The following DSCAM variants were observed in gnomAD, a reference collection of about 807,000 sequenced individuals.
DSCAM encodes DS cell adhesion molecule.
In DSCAM, 47 loss-of-function variants were observed where a neutral mutation model predicts 217.7. The ratio of observed to expected loss-of-function variants is 0.22; its 90% CI spans 0.17 to 0.28. The LOEUF (loss-of-function observed/expected upper bound fraction) is 0.28. Ranked by LOEUF, DSCAM falls within the 10% of genes least tolerant of loss-of-function variation. The pLI, the probability that DSCAM is intolerant of heterozygous loss-of-function variation, is 1.00. For synonymous variants in DSCAM, 1,056 were observed against 1,015.3 expected (o/e 1.04, Z -0.76); for missense variants, 2,080 against 2,618.3 (o/e 0.79, Z 4.49).
chr21:40,706,112 G>A (rs1168265519), intron 2 of DSCAM, among the ~76,000 whole-genome samples: 1 of 151,342 alleles, frequency 6.6e-6, no homozygotes, highest in East Asian at 1.9e-4. Context: ...CCCGGGAGGT[G>A]GAGCTTGCAG....
intron 3 of DSCAM, among the ~76,000 whole-genome samples, 169 bp downstream of exon 3, chr21:40,692,641 A>G (rs535493582): frequency 3.3e-5 from 5 of 152,358 alleles, no homozygotes; most frequent in Non-Finnish European, 7.3e-5. Context: ...AAGCCATTAT[A>G]AGCCAATACA....
intron 3 of DSCAM, among the ~76,000 whole-genome samples, chr21:40,530,831 C>T (rs1348498221): frequency 6.6e-6 from 1 of 152,040 alleles, no homozygotes; most frequent in Non-Finnish European, 1.5e-5. Flanking sequence ...TCCGTGGTGT[C>T]CATCAAAGCT....
chr21:40,739,247 T>TA (rs35964132), intron 1 of DSCAM, among the ~76,000 whole-genome samples: 122,250 of 152,028 alleles, frequency 0.8, 49,525 homozygotes, highest in African/African-American at 0.9. Context: ...GCAGCAATGC[T>TA]GGGGGGAGGT....
At chr21:40,276,740 A>T (rs1181285800) in intron 10 of DSCAM, among the ~76,000 whole-genome samples, 2 of 152,150 alleles carry the variant, frequency 1.3e-5, no homozygotes, top group Admixed American at 6.5e-5. Context: ...GAATAGGAAT[A>T]TTGCAGGTTT....
intron 11 of DSCAM, among the ~76,000 whole-genome samples, chr21:40,203,345 T>G (rs550491020): frequency 6.6e-6 from 1 of 152,372 alleles, no homozygotes; most frequent in Admixed American, 6.5e-5. Context: ...AGAGTTATTA[T>G]ACAGCCCTGA....
chr21:40,639,216 G>C (rs759655975), intron 3 of DSCAM, among the ~76,000 whole-genome samples: 1 of 152,004 alleles, frequency 6.6e-6, no homozygotes, highest in Non-Finnish European at 1.5e-5. Context: ...GCCAAAACAC[G>C]GCACCGCTAC....
chr21:40,745,355 G>A (rs2091164617), intron 1 of DSCAM, among the ~76,000 whole-genome samples: 1 of 152,140 alleles, frequency 6.6e-6, no homozygotes, highest in African/African-American at 2.4e-5. Context: ...CCAAGGCACA[G>A]CATCAAATTA....
chr21:40,631,283 C>T (rs2089688317), intron 3 of DSCAM, among the ~76,000 whole-genome samples: 1 of 152,166 alleles, frequency 6.6e-6, no homozygotes, highest in Non-Finnish European at 1.5e-5. Flanking sequence ...TTGACTCTTG[C>T]CAGCAAATCT....
At chr21:40,292,579 A>G (rs1022413295) in intron 10 of DSCAM, among the ~76,000 whole-genome samples, 16 of 152,142 alleles carry the variant, frequency 1.1e-4, no homozygotes, top group African/African-American at 3.6e-4. Flanking sequence ...GAGTTGTGTA[A>G]ATGAATAAAA....
intron 20 of DSCAM, among the ~76,000 whole-genome samples, chr21:40,121,121 C>T (rs375313858): frequency 2.6e-5 from 4 of 152,154 alleles, no homozygotes; most frequent in East Asian, 1.9e-4. Flanking sequence ...ATCTAGAGCT[C>T]ATACTGTCCT....
At chr21:40,563,341 TA>T (rs2076735313) in intron 3 of DSCAM, among the ~76,000 whole-genome samples, 1 of 151,606 alleles carries the variant, frequency 6.6e-6, no homozygotes, top group African/African-American at 2.4e-5. Context: ...GCAGCAGAAA[TA>T]CTACCTATAT....
At chr21:40,374,799 T>C (rs1428985612) in intron 3 of DSCAM, among the ~76,000 whole-genome samples, 1 of 152,208 alleles carries the variant, frequency 6.6e-6, no homozygotes, top group Non-Finnish European at 1.5e-5. Flanking sequence ...AAGGCGGCTG[T>C]CTGCAATCCA....
chr21:40,160,503 G>A (rs902382567), intron 16 of DSCAM, among the ~76,000 whole-genome samples: 2 of 152,076 alleles, frequency 1.3e-5, no homozygotes, highest in Non-Finnish European at 2.9e-5. Context: ...AAGCTTCCTA[G>A]TGAATATTAT....
At chr21:40,671,840 A>G (rs1472430461) in intron 3 of DSCAM, among the ~76,000 whole-genome samples, 1 of 152,236 alleles carries the variant, frequency 6.6e-6, no homozygotes, top group Non-Finnish European at 1.5e-5. Flanking sequence ...GCAGTTCTCC[A>G]AGAAACCACA....
At chr21:40,617,008 C>G (rs1348968613) in intron 3 of DSCAM, among the ~76,000 whole-genome samples, 1 of 111,050 alleles carries the variant, frequency 9.0e-6, no homozygotes, top group Non-Finnish European at 1.9e-5. Context: ...CAGAGCAAGA[C>G]TCCGTCTCAA....
At chr21:40,271,350 A>G (rs1382229902) in intron 11 of DSCAM, among the ~76,000 whole-genome samples, 1 of 152,088 alleles carries the variant, frequency 6.6e-6, no homozygotes, top group African/African-American at 2.4e-5. Flanking sequence ...GCATGCAGGG[A>G]TCAGAAAGGA....
chr21:40,436,885 A>T (rs2075587902), intron 3 of DSCAM, among the ~76,000 whole-genome samples: 1 of 152,158 alleles, frequency 6.6e-6, no homozygotes, highest in Non-Finnish European at 1.5e-5. Context: ...TTATTACCTC[A>T]GTACCCTCCA....
intron 11 of DSCAM, among the ~76,000 whole-genome samples, chr21:40,223,527 T>C (rs1049319672): frequency 7.4e-6 from 1 of 134,624 alleles, no homozygotes; most frequent in African/African-American, 3.1e-5. Flanking sequence ...TAAACATCTT[T>C]AACGAAAATC....
intron 3 of DSCAM, among the ~76,000 whole-genome samples, chr21:40,474,338 A>G (rs966901764): frequency 2.6e-5 from 4 of 151,926 alleles, no homozygotes; most frequent in Non-Finnish European, 4.4e-5. Context: ...AACCAAAAAT[A>G]CAAAGGCATA....
Sources: allele counts gnomAD v4.1 joint callset (sites outside exome capture counted in the v4.1 genomes callset), GRCh38; gene constraint gnomAD v4.1.1; transcripts MANE v1.5; gene names NCBI Gene and HGNC (gene_info 2026-07-23, HGNC 2026-07-21).